MARCHF8: variants seen among roughly 807,000 people sequenced by gnomAD.
MARCHF8 encodes the protein E3 ubiquitin-protein ligase MARCHF8.
MARCHF8 carries 40 observed loss-of-function variants against 51.6 expected under a neutral mutation model. The ratio of observed to expected loss-of-function variants is 0.77; its 90% CI spans 0.60 to 1.01. The LOEUF is 1.01. Among genes scored for constraint, MARCHF8 ranks in the 50% least tolerant of loss-of-function variants. MARCHF8 has a pLI of 0.00. For missense variants in MARCHF8, 685 were observed against 708.6 expected, an observed-to-expected ratio of 0.97 and a Z score of 0.38; for synonymous variants, 263 against 280.3, an observed-to-expected ratio of 0.94 and a Z score of 0.62.
rs558709159 is a variant in MARCHF8 at position 45,519,442 on chromosome 10, T to C, written c.102+13668A>G. 1.1e-4 allele frequency among the ~76,000 whole-genome samples: 17 copies of C among 152,302 alleles called. No homozygotes were observed. In the East Asian group the frequency reaches 3.3e-3, roughly 29 times the overall value. Reference sequence around the variant, plus strand: ...CAGTAAGTAGACTACTGCAATAATCTAGATCAAGGGTCAGCAAACTTTTTC... The same window carrying C: ...CAGTAAGTAGACTACTGCAATAATCCAGATCAAGGGTCAGCAAACTTTTTC... On this transcript the variant is annotated intron_variant, in intron 2 of 7. Transcript: ENST00000453424.
intron 3 of MARCHF8, among the ~76,000 whole-genome samples, chr10:45,480,600 G>T (rs1041658498): frequency 6.6e-6 from 1 of 152,206 alleles, no homozygotes; most frequent in Admixed American, 6.5e-5. Flanking sequence ...GTATAGTTCA[G>T]GTCATGGCTT....
intron 2 of MARCHF8, among the ~76,000 whole-genome samples, chr10:45,512,787 G>A (rs1342416176): frequency 6.6e-6 from 1 of 152,170 alleles, no homozygotes; most frequent in Non-Finnish European, 1.5e-5. Flanking sequence ...TAGAAAGGGG[G>A]GAAAGGTGGG....
chr10:45,525,875 A>T (rs556956153), intron 2 of MARCHF8, among the ~76,000 whole-genome samples: 2 of 152,310 alleles, frequency 1.3e-5, no homozygotes, highest in Admixed American at 1.3e-4. Context: ...GTAATCTAAA[A>T]CAAGGGAAGT....
chr10:45,479,707 G>T (rs1194926768), intron 3 of MARCHF8, among the ~76,000 whole-genome samples: 1 of 152,218 alleles, frequency 6.6e-6, no homozygotes, highest in Non-Finnish European at 1.5e-5. Context: ...CCCCATGATT[G>T]TGAGGCCTCC....
chr10:45,579,905 C>T (rs1323416495), intron 1 of MARCHF8, among the ~76,000 whole-genome samples: 1 of 143,526 alleles, frequency 7.0e-6, no homozygotes, highest in Non-Finnish European at 1.5e-5. Context: ...CCCAGCTACT[C>T]GGGAGGCTGA....
At chr10:45,484,358 G>C (rs1163349822) in intron 3 of MARCHF8, among the ~76,000 whole-genome samples, 1 of 152,158 alleles carries the variant, frequency 6.6e-6, no homozygotes, top group African/African-American at 2.4e-5. Context: ...TGGCTCGTGG[G>C]CCCACATGGT....
chr10:45,538,122 G>A (rs545546638), upstream of MARCHF8, among the ~76,000 whole-genome samples: 203 of 151,708 alleles, frequency 1.3e-3, 1 homozygote, highest in African/African-American at 4.4e-3. Context: ...TGATCTCTCG[G>A]CAGAAACTCT....
Position 45,463,335 on chromosome 10 carries a change from A to G in MARCHF8, c.904T>C (p.Phe302Leu). The change falls in exon 5 of 8, where the codon TTC becomes CTC. Residue 302 changes from phenylalanine (F) to leucine (L), a missense_variant. By Grantham distance (22) the Phe-to-Leu change is conservative (BLOSUM62 0). Transcript: ENST00000453424. Reference sequence around the variant, plus strand: ...TCGTCTCCCATCTCGTCAGAGCAGAAGCCCATACTCCCTGCCAGCCCGCTG... The same window carrying G: ...TCGTCTCCCATCTCGTCAGAGCAGAGGCCCATACTCCCTGCCAGCCCGCTG... ...SSSGLAGSMG[F>L]CSDEMGDDDV... 1.3e-6 allele frequency: 2 copies of G among 1,550,904 alleles called. No homozygotes were observed. Among genetic ancestry groups the G allele is most frequent in the South Asian group, 1.2e-5 (1 of 84,066 alleles).
intron 1 of MARCHF8, among the ~76,000 whole-genome samples, chr10:45,580,003 C>CAAAA (rs34446338): frequency 1.6e-4 from 6 of 36,436 alleles, no homozygotes; most frequent in Non-Finnish European, 2.5e-4. Context: ...ACTCCGTCTC[C>CAAAA]AAAAAAAAAA....
intron 2 of MARCHF8, among the ~76,000 whole-genome samples, chr10:45,522,046 T>A (rs1473597529): frequency 1.3e-5 from 2 of 152,222 alleles, no homozygotes; most frequent in Non-Finnish European, 2.9e-5. Flanking sequence ...ACACTGGTTG[T>A]CTTTTTAGTT....
At position 45,532,746 on chromosome 10, in the gene MARCHF8, A is replaced by G. The variant is rs550334447; in HGVS notation, c.102+364T>C. ...TTGTTACAGCAGCTAGGGCAGACTAAGACACATATTAAGAAATTCCAGCCA... is the reference window on the plus strand; with the variant it reads ...TTGTTACAGCAGCTAGGGCAGACTAGGACACATATTAAGAAATTCCAGCCA... On this transcript the variant is annotated intron_variant, in intron 2 of 7. Coordinates refer to ENST00000453424, the MANE Select transcript of MARCHF8 (RefSeq NM_001282866.2). Among the ~76,000 whole-genome samples the G allele has an allele frequency of 8.5e-5, 13 of 152,368 alleles. No homozygotes were observed. The South Asian group carries it at 2.7e-3, about 32-fold the overall frequency.
chr10:45,514,787 TTGAAA>T (rs572457475), intron 2 of MARCHF8, among the ~76,000 whole-genome samples: 152 of 152,328 alleles, frequency 1.0e-3, no homozygotes, highest in African/African-American at 3.5e-3. Flanking sequence ...CCAGACTTAC[TTGAAA>T]TATTTTTTTT....
At chr10:45,570,590 T>C (rs1316615561) in intron 1 of MARCHF8, among the ~76,000 whole-genome samples, 1 of 152,168 alleles carries the variant, frequency 6.6e-6, no homozygotes, top group Admixed American at 6.5e-5. Flanking sequence ...CTACTCAACA[T>C]TATATTATAT....
At chr10:45,473,565 A>T (rs2042733168) in intron 3 of MARCHF8, among the ~76,000 whole-genome samples, 1 of 152,206 alleles carries the variant, frequency 6.6e-6, no homozygotes, top group Admixed American at 6.5e-5. Context: ...GTGTCTATGT[A>T]CTGCCCTTTT....
At chr10:45,583,877 G>A (rs759995831) in intron 1 of MARCHF8, among the ~76,000 whole-genome samples, 8 of 151,514 alleles carry the variant, frequency 5.3e-5, no homozygotes, top group South Asian at 4.2e-4. Context: ...GTGATGGCAC[G>A]CGCCTGCAAT....
upstream of MARCHF8, among the ~76,000 whole-genome samples, chr10:45,536,225 T>A (rs1240151446): frequency 6.6e-6 from 1 of 152,006 alleles, no homozygotes; most frequent in East Asian, 1.9e-4. Flanking sequence ...TGGAATAGAA[T>A]TTAGGGCCCA....
At chr10:45,586,971 CATTT>C (rs1383151423) in intron 1 of MARCHF8, among the ~76,000 whole-genome samples, 1 of 150,952 alleles carries the variant, frequency 6.6e-6, no homozygotes, top group African/African-American at 2.4e-5. Flanking sequence ...TCCAATTTAA[CATTT>C]TTAAAATGTT....
chr10:45,577,424 T>C (rs10900227), intron 1 of MARCHF8, among the ~76,000 whole-genome samples: 54,696 of 151,978 alleles, frequency 0.36, 10,420 homozygotes, highest in African/African-American at 0.49. Context: ...ATACCCTATT[T>C]GCCGCGATAT....
chr10:45,590,768 A>G (rs1275444153), intron 1 of MARCHF8, among the ~76,000 whole-genome samples: 1 of 152,256 alleles, frequency 6.6e-6, no homozygotes, highest in Non-Finnish European at 1.5e-5. Context: ...TTATACCTGC[A>G]ATCCCAGCAC....
Sources: allele counts gnomAD v4.1 joint callset (sites outside exome capture counted in the v4.1 genomes callset), GRCh38; gene constraint gnomAD v4.1.1; transcripts MANE v1.5; gene names NCBI Gene and HGNC (gene_info 2026-07-23, HGNC 2026-07-21).